PRDM16: variants seen among roughly 807,000 people sequenced by gnomAD.
The protein encoded by PRDM16 is PR/SET domain 16.
In PRDM16, 23 loss-of-function variants were observed where a neutral mutation model predicts 110.6. The observed-to-expected ratio is 0.21, with a 90% confidence interval of 0.15 to 0.29. The LOEUF (loss-of-function observed/expected upper bound fraction) is 0.29, where lower values mean the gene tolerates loss of function less well. PRDM16 is among the 10% of genes least tolerant of loss of function. The pLI is 1.00. For missense variants in PRDM16, 1,615 were observed against 1,794.3 expected (o/e 0.90, Z 1.81); for synonymous variants, 799 against 781.8 (o/e 1.02, Z -0.37).
chr1:3,349,761 A>G (rs1642444386), intron 3 of PRDM16, among the ~76,000 whole-genome samples: 1 of 152,028 alleles, frequency 6.6e-6, no homozygotes. Flanking sequence ...GTCTACTGGG[A>G]GCTTTCTGTT....
At position 3,114,119 on chromosome 1, in the gene PRDM16, GAC is replaced by G. The variant is rs1266962946; in HGVS notation, c.37+44825_37+44826del. On this transcript the variant is annotated intron_variant, in intron 1 of 16. Coordinates refer to ENST00000270722, the MANE Select transcript of PRDM16 (RefSeq NM_022114.4). ...TTGTGATGGCGCCGTGCTGCAGTAAGACAGCGGCGTGTATCTCTGCACACTGC... is the reference window on the plus strand; with the variant it reads ...TTGTGATGGCGCCGTGCTGCAGTAAGAGCGGCGTGTATCTCTGCACACTGC... Among the ~76,000 whole-genome samples the G allele has an allele frequency of 2.0e-5, 3 of 152,144 alleles. No individual in the cohort carries two copies. In the East Asian group the frequency reaches 5.8e-4, roughly 29 times the overall value.
chr1:3,221,092 G>C (rs1639140799), intron 2 of PRDM16, among the ~76,000 whole-genome samples: 2 of 152,214 alleles, frequency 1.3e-5, no homozygotes, highest in Non-Finnish European at 2.9e-5. Flanking sequence ...CTGGGCCTTG[G>C]AATTTCAGCT....
At chr1:3,254,556 A>G (rs1039764604) in intron 3 of PRDM16, among the ~76,000 whole-genome samples, 1 of 152,248 alleles carries the variant, frequency 6.6e-6, no homozygotes, top group Non-Finnish European at 1.5e-5. Context: ...CCCATTCACA[A>G]TTGCTTCAAA....
intron 14 of PRDM16, among the ~76,000 whole-genome samples, chr1:3,429,009 A>G (rs1638694374): frequency 6.6e-6 from 1 of 152,264 alleles, no homozygotes; most frequent in East Asian, 1.9e-4. Context: ...AAAGGTCACC[A>G]AGGATGGCCA....
At chr1:3,258,730 T>A (rs1640099982) in intron 3 of PRDM16, among the ~76,000 whole-genome samples, 2 of 152,130 alleles carry the variant, frequency 1.3e-5, no homozygotes, top group Non-Finnish European at 2.9e-5. Context: ...GAAGCGGAGA[T>A]ATTTGGAGAA....
At chr1:3,071,304 C>T (rs1307912998) in intron 1 of PRDM16, among the ~76,000 whole-genome samples, 1 of 152,266 alleles carries the variant, frequency 6.6e-6, no homozygotes, top group Non-Finnish European at 1.5e-5. Context: ...GGACCGGGTC[C>T]GCTCAGGACC....
At chr1:3,110,228 T>C (rs61467104) in intron 1 of PRDM16, among the ~76,000 whole-genome samples, 66 of 95,592 alleles carry the variant, frequency 6.9e-4, no homozygotes, top group African/African-American at 2.1e-3. Context: ...GGGGCTCCCC[T>C]CTGTCCTGGG....
At chr1:3,173,091 G>A (rs757792332) in intron 1 of PRDM16, among the ~76,000 whole-genome samples, 5 of 152,340 alleles carry the variant, frequency 3.3e-5, no homozygotes, top group Admixed American at 1.3e-4. Flanking sequence ...GAGGCACCCC[G>A]CTCTGCTGCC....
intron 3 of PRDM16, among the ~76,000 whole-genome samples, chr1:3,279,036 C>G (rs1444906786): frequency 6.6e-6 from 1 of 152,222 alleles, no homozygotes; most frequent in Non-Finnish European, 1.5e-5. Context: ...GGGGCAGGGG[C>G]AGCTGGGCTG....
intron 3 of PRDM16, among the ~76,000 whole-genome samples, chr1:3,264,730 C>T (rs2100263686): frequency 6.6e-6 from 1 of 151,804 alleles, no homozygotes; most frequent in East Asian, 2.0e-4. Flanking sequence ...GCTTGCAGGT[C>T]CCATGTGCGT....
At position 3,082,766 on chromosome 1, in the gene PRDM16, A is replaced by G. The variant is rs555789390; in HGVS notation, c.37+13470A>G. On this transcript the variant is annotated intron_variant, in intron 1 of 16. Coordinates refer to ENST00000270722, the MANE Select transcript of PRDM16 (RefSeq NM_022114.4). ...TCTCAGCTGCCCCAGGGCTGAGCTCAGCTTTGCCCGCTTTGTGCGGAGTCC... is the reference window on the plus strand; with the variant it reads ...TCTCAGCTGCCCCAGGGCTGAGCTCGGCTTTGCCCGCTTTGTGCGGAGTCC... Among the ~76,000 whole-genome samples, 4 of 152,322 alleles carry G rather than the reference A, an allele frequency of 2.6e-5. No homozygotes were observed. The South Asian group carries it at 8.3e-4, about 32-fold the overall frequency.
chr1:3,072,882 C>A (rs1013897230), intron 1 of PRDM16, among the ~76,000 whole-genome samples: 1 of 152,254 alleles, frequency 6.6e-6, no homozygotes, highest in Non-Finnish European at 1.5e-5. Context: ...ACCCACAGGC[C>A]CCCTCCCTCA....
intron 3 of PRDM16, among the ~76,000 whole-genome samples, chr1:3,299,870 G>A (rs867626792): frequency 8.9e-5 from 6 of 67,448 alleles, no homozygotes; most frequent in Admixed American, 4.0e-4. Context: ...AATCCCAGTC[G>A]TGGTGACTCT....
intron 11 of PRDM16, 31 bp downstream of exon 11, chr1:3,418,028 C>T: frequency 6.3e-7 from 1 of 1,585,928 alleles, no homozygotes; most frequent in Non-Finnish European, 8.6e-7. Flanking sequence ...GCTGGGACAG[C>T]CCTGGCGGGG....
chr1:3,245,353 CAG>C lies in PRDM16; in HGVS notation c.438+1217_438+1218del, dbSNP rs1409774531. ...TTTGGGCAGAGCTGCCTACGAGGGACAGGGGACCCACCATCTGGGCAGAGCTA... is the reference window on the plus strand; with the variant it reads ...TTTGGGCAGAGCTGCCTACGAGGGACGGGACCCACCATCTGGGCAGAGCTA... On this transcript the variant is annotated intron_variant, in intron 3 of 16. Transcript: ENST00000270722. This position sits in a 1 kb window ranked among gnomAD's most constrained non-coding sequence, Gnocchi z 4.7. Among the ~76,000 whole-genome samples the C allele has an allele frequency of 6.6e-6, 1 of 152,240 alleles. No homozygotes were observed. The highest frequency in any genetic ancestry group is 1.5e-5 in the Non-Finnish European group (1 of 68,048).
At chr1:3,381,909 G>T (rs1262674266) in intron 3 of PRDM16, among the ~76,000 whole-genome samples, 1 of 152,248 alleles carries the variant, frequency 6.6e-6, no homozygotes, top group Admixed American at 6.5e-5. Flanking sequence ...GCCACCACCT[G>T]TACAGGGGCT....
At chr1:3,428,505 C>A (rs2100697788) in intron 14 of PRDM16, among the ~76,000 whole-genome samples, 1 of 152,316 alleles carries the variant, frequency 6.6e-6, no homozygotes. Flanking sequence ...CAGACTCAGG[C>A]CCTCGGAAGA....
At chr1:3,123,620 G>A (rs544418505) in intron 1 of PRDM16, among the ~76,000 whole-genome samples, 5 of 152,362 alleles carry the variant, frequency 3.3e-5, no homozygotes, top group African/African-American at 1.2e-4. Context: ...TGGGAGGGGG[G>A]GCAGCCCATC....
intron 1 of PRDM16, among the ~76,000 whole-genome samples, chr1:3,154,636 C>G (rs1206200300): frequency 6.6e-6 from 1 of 152,160 alleles, no homozygotes; most frequent in Non-Finnish European, 1.5e-5. Flanking sequence ...GGGCACCATT[C>G]CAGCTTCACG....
Sources: gnomAD v4.1 joint callset for allele counts (sites outside exome capture counted in the v4.1 genomes callset) on GRCh38, gnomAD v4.1.1 for gene constraint, Gnocchi (gnomAD v3.1) non-coding constraint, MANE v1.5 for transcripts, NCBI Gene and HGNC (gene_info 2026-07-23, HGNC 2026-07-21) for gene names.